The following CACNA2D3 variants were observed in gnomAD, a reference collection of about 807,000 sequenced individuals.
CACNA2D3 encodes the protein voltage-dependent calcium channel subunit alpha-2/delta-3.
Under a neutral mutation model 160.6 loss-of-function variants are expected in CACNA2D3, and 60 were observed. The observed-to-expected ratio is 0.37, with a 90% CI of 0.30 to 0.46. CACNA2D3 has a LOEUF of 0.46. Among genes scored for constraint, CACNA2D3 ranks in the 20% least tolerant of loss-of-function variants. The pLI, the probability that CACNA2D3 is intolerant of heterozygous loss-of-function variation, is 1.00. For missense variants in CACNA2D3, 1,205 were observed against 1,365.0 expected (o/e 0.88, Z 1.85); for synonymous variants, 558 against 492.9 (o/e 1.13, Z -1.75).
chr3:54,374,346 T>C (rs533684855), intron 3 of CACNA2D3, among the ~76,000 whole-genome samples: 9 of 152,218 alleles, frequency 5.9e-5, no homozygotes, highest in Non-Finnish European at 1.3e-4. Flanking sequence ...TGGTTTCTTC[T>C]CTTTCAGTTT....
In CACNA2D3 at chr3:54,960,242, A is replaced by G. The variant is rs373704320; in HGVS notation, c.2450-8208A>G. On this transcript the variant is annotated intron_variant, in intron 27 of 37. Transcript: ENST00000474759. ...AAAATCTTCTGCTGCGGCCTTGTCA[A>G]TGGTGTGATAATGTGAGCTATTTCT... Among the ~76,000 whole-genome samples the G allele has an allele frequency of 2.0e-5, 3 of 152,132 alleles. No individual in the cohort carries two copies. In the East Asian group the frequency reaches 5.8e-4, roughly 29 times the overall value.
At chr3:54,921,083 T>C (rs1386631501) in intron 27 of CACNA2D3, among the ~76,000 whole-genome samples, 1 of 152,220 alleles carries the variant, frequency 6.6e-6, no homozygotes, top group African/African-American at 2.4e-5. Context: ...ATCTGCTGAT[T>C]ACAGCTTGAG....
At chr3:54,329,860 C>T (rs535943816) in intron 3 of CACNA2D3, among the ~76,000 whole-genome samples, 6 of 152,096 alleles carry the variant, frequency 3.9e-5, no homozygotes, top group African/African-American at 4.8e-5. Context: ...GTCTAACTAG[C>T]GATGTGTTGG....
At chr3:55,015,041 C>T (rs532524188) in intron 34 of CACNA2D3, among the ~76,000 whole-genome samples, 1 of 152,280 alleles carries the variant, frequency 6.6e-6, no homozygotes, top group Non-Finnish European at 1.5e-5. Context: ...AGAATTTCAT[C>T]TCCAGAAAGG....
At chr3:54,160,108 C>G (rs555160907) in intron 2 of CACNA2D3, among the ~76,000 whole-genome samples, 1 of 152,296 alleles carries the variant, frequency 6.6e-6, no homozygotes, top group South Asian at 2.1e-4. Flanking sequence ...ATGATTCATT[C>G]TCTTCTGGCA....
At chr3:54,788,701 C>A (rs1193627810) in intron 13 of CACNA2D3, among the ~76,000 whole-genome samples, 1 of 152,180 alleles carries the variant, frequency 6.6e-6, no homozygotes, top group African/African-American at 2.4e-5. Flanking sequence ...TTATATAAAT[C>A]ACTTCCTTTT....
intron 5 of CACNA2D3, among the ~76,000 whole-genome samples, chr3:54,557,264 C>G (rs1702255892): frequency 6.6e-6 from 1 of 152,110 alleles, no homozygotes; most frequent in South Asian, 2.1e-4. Context: ...TCACCATGCC[C>G]TTGGAAAAAT....
chr3:54,301,693 T>A (rs1456480019), intron 2 of CACNA2D3, among the ~76,000 whole-genome samples: 2 of 152,136 alleles, frequency 1.3e-5, no homozygotes, highest in Non-Finnish European at 2.9e-5. Context: ...CCAGATTTTA[T>A]CCTACCCCAT....
chr3:54,702,054 CTG>C (rs2106949003), intron 11 of CACNA2D3, among the ~76,000 whole-genome samples: 1 of 152,306 alleles, frequency 6.6e-6, no homozygotes, highest in Non-Finnish European at 1.5e-5. Flanking sequence ...AATTGGCTAT[CTG>C]CATGCAAAAG....
intron 9 of CACNA2D3, among the ~76,000 whole-genome samples, chr3:54,622,609 C>A (rs542554124): frequency 2.5e-4 from 38 of 150,874 alleles, no homozygotes; most frequent in African/African-American, 8.8e-4. Flanking sequence ...AATCAGAGTT[C>A]ATAGGGCCTG....
At chr3:54,595,572 T>C (rs1702939659) in intron 9 of CACNA2D3, among the ~76,000 whole-genome samples, 1 of 152,126 alleles carries the variant, frequency 6.6e-6, no homozygotes, top group Non-Finnish European at 1.5e-5. Context: ...TGCCCATGCC[T>C]TTCTTTGCCT....
intron 2 of CACNA2D3, among the ~76,000 whole-genome samples, chr3:54,308,944 A>G (rs1275306434): frequency 6.6e-6 from 1 of 152,218 alleles, no homozygotes; most frequent in African/African-American, 2.4e-5. Flanking sequence ...TTTGTACAAT[A>G]ACATTTTATT....
chr3:54,846,063 G>A (rs1379716933), intron 16 of CACNA2D3, among the ~76,000 whole-genome samples: 4 of 152,034 alleles, frequency 2.6e-5, no homozygotes, highest in Admixed American at 2.0e-4. Flanking sequence ...CTTGGACATA[G>A]GGTCTTTACA....
At chr3:54,180,331 G>A (rs1700760884) in intron 2 of CACNA2D3, among the ~76,000 whole-genome samples, 2 of 152,176 alleles carry the variant, frequency 1.3e-5, no homozygotes, top group African/African-American at 4.8e-5. Flanking sequence ...GTGACACCAA[G>A]TGCATGACCT....
At chr3:54,837,026 C>G in intron 14 of CACNA2D3, 133 bp from the exon 15 acceptor site, 1 of 747,702 alleles carries the variant, frequency 1.3e-6, no homozygotes, top group East Asian at 2.5e-5. Context: ...CCGCGCTCCA[C>G]TAAAGGCTTG....
At chr3:54,706,207 C>T (rs1209934973) in intron 11 of CACNA2D3, among the ~76,000 whole-genome samples, 2 of 152,174 alleles carry the variant, frequency 1.3e-5, no homozygotes, top group East Asian at 3.8e-4. Context: ...AAGGAGATAC[C>T]TTCTTGCACT....
At chr3:55,044,094 T>C (rs1704020763) in intron 35 of CACNA2D3, among the ~76,000 whole-genome samples, 1 of 152,206 alleles carries the variant, frequency 6.6e-6, no homozygotes, top group African/African-American at 2.4e-5. Flanking sequence ...TCTAGTACAT[T>C]TGCCTTTCCA....
intron 2 of CACNA2D3, among the ~76,000 whole-genome samples, chr3:54,256,129 C>T (rs897649133): frequency 6.6e-6 from 1 of 152,116 alleles, no homozygotes; most frequent in African/African-American, 2.4e-5. Flanking sequence ...AAGGGAAGGT[C>T]CTTGAACCTG....
At chr3:54,214,729 G>A (rs1164133697) in intron 2 of CACNA2D3, among the ~76,000 whole-genome samples, 1 of 152,150 alleles carries the variant, frequency 6.6e-6, no homozygotes, top group African/African-American at 2.4e-5. Flanking sequence ...TCCCTGTCCT[G>A]TGCCAGTGTC....
Sources: gnomAD v4.1 joint callset for allele counts (sites outside exome capture counted in the v4.1 genomes callset) on GRCh38, gnomAD v4.1.1 for gene constraint, MANE v1.5 for transcripts, NCBI Gene and HGNC (gene_info 2026-07-23, HGNC 2026-07-21) for gene names.